The following TBK1 variants were observed in gnomAD, a reference collection of about 807,000 sequenced individuals.
The protein encoded by TBK1 is serine/threonine-protein kinase TBK1.
Under a neutral mutation model 99.9 loss-of-function variants are expected in TBK1, and 37 were observed. The observed-to-expected ratio is 0.37, with a 90% confidence interval of 0.28 to 0.49. TBK1 has a LOEUF of 0.49. Ranked by LOEUF, TBK1 falls within the 20% of genes least tolerant of loss-of-function variation. TBK1 has a pLI of 0.98. For synonymous variants in TBK1, 258 were observed against 279.8 expected (o/e 0.92, Z 0.78); for missense variants, 644 against 872.5 (o/e 0.74, Z 3.30).
chr12:64,460,146 C>G, intron 2 of TBK1, 43 bp from the exon 3 acceptor site: 2 of 1,311,718 alleles, frequency 1.5e-6, no homozygotes, highest in South Asian at 1.7e-5. Flanking sequence ...ATCTCTTTTA[C>G]AATATTATGA....
At chr12:64,486,232 T>TA (rs1447249521) in intron 11 of TBK1, among the ~76,000 whole-genome samples, 1 of 152,192 alleles carries the variant, frequency 6.6e-6, no homozygotes, top group Non-Finnish European at 1.5e-5. Flanking sequence ...TTTTAAAACT[T>TA]ACACCACGCT....
chr12:64,486,541 C>G (rs763886448), intron 11 of TBK1, among the ~76,000 whole-genome samples: 15 of 151,642 alleles, frequency 9.9e-5, no homozygotes, highest in Non-Finnish European at 2.2e-4. Context: ...CTCAAGTGAT[C>G]CTACCACCTC....
intron 5 of TBK1, among the ~76,000 whole-genome samples, chr12:64,467,855 C>T (rs2040622407): frequency 6.6e-6 from 1 of 152,150 alleles, no homozygotes; most frequent in Admixed American, 6.5e-5. Flanking sequence ...CAATTGGTAA[C>T]CTCAAATTGA....
In TBK1 at chr12:64,488,572, GAAA is replaced by G. The variant is rs1131690783; in HGVS notation, c.1430_1432del (p.Lys477del). 1 of 1,600,884 alleles carries G rather than the reference GAAA, an allele frequency of 6.2e-7. No individual in the cohort carries two copies. Among genetic ancestry groups the G allele is most frequent in the East Asian group, 2.2e-5 (1 of 44,482 alleles). Reference sequence around the variant, plus strand: ...ATTGGATTTCTGTATCAGAAACATTGAAAAAACTGTGAAAGTGTGAGTAGACTA... The same window carrying G: ...ATTGGATTTCTGTATCAGAAACATTGAAACTGTGAAAGTGTGAGTAGACTA... On this transcript the variant is annotated inframe_deletion, in exon 12 of 21. Coordinates refer to ENST00000331710, the MANE Select transcript of TBK1 (RefSeq NM_013254.4).
At chr12:64,462,208 A>G (rs929522494) in intron 3 of TBK1, among the ~76,000 whole-genome samples, 2 of 152,224 alleles carry the variant, frequency 1.3e-5, no homozygotes, top group South Asian at 2.1e-4. Context: ...TCTTTCAGAT[A>G]GGACATTTTA....
intron 1 of TBK1, chr12:64,452,946 G>A (rs991683284): frequency 7.9e-5 from 12 of 152,194 alleles, no homozygotes; most frequent in Admixed American, 3.9e-4. Context: ...TAGGGGCAGA[G>A]TTTAGAAATC....
At chr12:64,491,583 A>G (rs983586413) in intron 13 of TBK1, among the ~76,000 whole-genome samples, 3 of 152,312 alleles carry the variant, frequency 2.0e-5, no homozygotes, top group South Asian at 2.1e-4. Context: ...AGATCGTGCC[A>G]CTTGCACTCC....
At chr12:64,488,881 A>G (rs1230988662) in intron 12 of TBK1, among the ~76,000 whole-genome samples, 1 of 152,146 alleles carries the variant, frequency 6.6e-6, no homozygotes, top group Admixed American at 6.6e-5. Context: ...AGTCCCAGCA[A>G]CTCGGGAGGC....
chr12:64,485,443 T>G lies in TBK1; in HGVS notation c.1190-12T>G. Reference sequence around the variant, plus strand: ...AGTTTTCTTTCTCATTTTATTTTACTTCATATTTCAGTTTCCCTCCCTAAA... The same window carrying G: ...AGTTTTCTTTCTCATTTTATTTTACGTCATATTTCAGTTTCCCTCCCTAAA... On this transcript the variant is annotated splice_polypyrimidine_tract_variant and intron_variant, in intron 9 of 20. Transcript: ENST00000331710. 2.7e-6 allele frequency: 4 copies of G among 1,456,100 alleles called. No homozygotes were observed. Among genetic ancestry groups the G allele is most frequent in the Non-Finnish European group, 3.8e-6 (4 of 1,060,190 alleles). The allele number at this position is 1,456,100 out of a possible 1,614,324, so 90.2% of individuals were successfully genotyped here.
intron 7 of TBK1, among the ~76,000 whole-genome samples, chr12:64,480,796 C>A (rs1290250284): frequency 6.6e-6 from 1 of 152,130 alleles, no homozygotes; most frequent in Non-Finnish European, 1.5e-5. Flanking sequence ...GAATTAGCTT[C>A]CATTTTTCTT....
At chr12:64,497,359 C>A (rs2040938668) in intron 18 of TBK1, 100 bp downstream of exon 18, 2 of 858,378 alleles carry the variant, frequency 2.3e-6, no homozygotes, top group Non-Finnish European at 3.5e-6. Context: ...ACATTCAGTT[C>A]CACCCACCAA....
At chr12:64,486,089 T>A in intron 11 of TBK1, 72 bp downstream of exon 11, 1 of 1,031,838 alleles carries the variant, frequency 9.7e-7, no homozygotes, top group Non-Finnish European at 1.4e-6. Context: ...TTTTCTCTCT[T>A]CAAACTAGTT....
intron 20 of TBK1, among the ~76,000 whole-genome samples, chr12:64,498,272 C>G (rs142540888): frequency 6.6e-6 from 1 of 152,202 alleles, no homozygotes; most frequent in African/African-American, 2.4e-5. Flanking sequence ...TTGTAAAGAT[C>G]AAACTCTATT....
rs71092972 is a variant in TBK1 at position 64,497,621 on chromosome 12, C to CTTTTTTTTTT, written c.1960-20_1960-11dup. 174 of 1,024,956 alleles carry CTTTTTTTTTT rather than the reference C, an allele frequency of 1.7e-4. 6 individuals carry two copies. Among genetic ancestry groups the CTTTTTTTTTT allele is most frequent in the South Asian group, 4.7e-4 (28 of 59,008 alleles). The allele number at this position is 1,024,956 out of a possible 1,614,324, so 63.5% of individuals were successfully genotyped here. On this transcript the variant is annotated intron_variant, in intron 18 of 20. Coordinates refer to ENST00000331710, the MANE Select transcript of TBK1 (RefSeq NM_013254.4). Reference sequence around the variant, plus strand: ...TCTGTGATTAATGTGGGGTTTTTTTCTTTTTTTTTTTTTTTTGATGTTTCA... The same window carrying CTTTTTTTTTT: ...TCTGTGATTAATGTGGGGTTTTTTTCTTTTTTTTTTTTTTTTTTTTTTTTTTGATGTTTCA...
intron 5 of TBK1, among the ~76,000 whole-genome samples, chr12:64,469,027 C>T (rs979545350): frequency 2.6e-5 from 4 of 152,068 alleles, no homozygotes; most frequent in Non-Finnish European, 4.4e-5. Flanking sequence ...CTCTCCCCTA[C>T]AACCTGTGTT....
chr12:64,465,958 C>A (rs940208679), intron 4 of TBK1, among the ~76,000 whole-genome samples: 3 of 151,946 alleles, frequency 2.0e-5, no homozygotes, highest in South Asian at 2.1e-4. Flanking sequence ...ATACTGCAAT[C>A]AAAGGAAATA....
intron 5 of TBK1, 89 bp downstream of exon 5, chr12:64,467,171 A>G (rs1308651264): frequency 2.3e-5 from 25 of 1,069,712 alleles, no homozygotes; most frequent in Non-Finnish European, 3.2e-5. Context: ...TTCACTATAA[A>G]ATGTCATTTT....
intron 7 of TBK1, 65 bp downstream of exon 7, chr12:64,480,187 A>T: frequency 2.8e-6 from 3 of 1,086,898 alleles, no homozygotes; most frequent in African/African-American, 1.6e-5. Context: ...GTTGCCTAGA[A>T]CCACAGATAC....
chr12:64,463,602 G>A (rs2040571860), intron 3 of TBK1, among the ~76,000 whole-genome samples: 1 of 151,352 alleles, frequency 6.6e-6, no homozygotes, highest in Non-Finnish European at 1.5e-5. Context: ...TGGGAGCTGA[G>A]GCAGGAGAAT....
Sources: allele counts gnomAD v4.1 joint callset (sites outside exome capture counted in the v4.1 genomes callset), GRCh38; gene constraint gnomAD v4.1.1; transcripts MANE v1.5; gene names NCBI Gene and HGNC (gene_info 2026-07-23, HGNC 2026-07-21).